FRMPD4: variants seen among roughly 807,000 people sequenced by gnomAD.
The protein encoded by FRMPD4 is FERM and PDZ domain containing 4, also known as FERM and PDZ domain-containing protein 4.
A neutral mutation model predicts 94.1 loss-of-function variants in FRMPD4; 22 were observed. The observed-to-expected ratio is 0.23, with a 90% confidence interval of 0.17 to 0.33. The LOEUF (loss-of-function observed/expected upper bound fraction) is 0.33. Among genes scored for constraint, FRMPD4 ranks in the 10% least tolerant of loss-of-function variants. The pLI is 1.00. For missense variants in FRMPD4, 1,111 were observed against 1,339.9 expected, an observed-to-expected ratio of 0.83 and a Z score of 2.67; for synonymous variants, 631 against 548.6, an observed-to-expected ratio of 1.15 and a Z score of -2.10.
intron 3 of FRMPD4, among the ~76,000 whole-genome samples, chrX:11,886,122 A>G (rs2053843894): frequency 9.0e-6 from 1 of 111,683 alleles, no homozygotes; most frequent in African/African-American, 3.3e-5. Flanking sequence ...CATGCCCCCA[A>G]GGAATCATAT....
At chrX:11,825,190 TTGTGTGTGTGTGTGTGTGTG>T (rs747320680) in intron 1 of FRMPD4, among the ~76,000 whole-genome samples, 15 of 80,161 alleles carry the variant, frequency 1.9e-4, no homozygotes, top group Admixed American at 1.2e-3. Context: ...TGTGTCTTCT[TTGTGTGTGTGTGTGTGTGTG>T]TGTGTGTGTG....
chrX:12,167,230 C>T (rs886565564), intron 1 of FRMPD4, among the ~76,000 whole-genome samples: 1 of 111,814 alleles, frequency 8.9e-6, no homozygotes, highest in Non-Finnish European at 1.9e-5. Flanking sequence ...TTAAATGTGT[C>T]CCAGAGATTC....
At chrX:12,171,520 G>A (rs2056223433) in intron 1 of FRMPD4, among the ~76,000 whole-genome samples, 1 of 111,217 alleles carries the variant, frequency 9.0e-6, no homozygotes, top group South Asian at 3.8e-4. Context: ...AGTAGAGCTT[G>A]GGGTATGTGC....
intron 1 of FRMPD4, among the ~76,000 whole-genome samples, chrX:12,367,938 A>C (rs2056108487): frequency 8.9e-6 from 1 of 112,351 alleles, no homozygotes; most frequent in Non-Finnish European, 1.9e-5. Context: ...CATCACTGAC[A>C]CCCACTAATC....
In FRMPD4 at chrX:11,847,908, G is replaced by A. The variant is rs751403484; in HGVS notation, c.-160-17178G>A. The stretch of plus-strand genomic sequence containing the variant: ...GGGGTCGGGGGAGGGGGGAGGGTTA[G>A]CGTTAGGAGATATACCTAATGCTAA... On this transcript the variant is annotated intron_variant, in intron 1 of 18. Transcript: ENST00000640291. Among the ~76,000 whole-genome samples the A allele has an allele frequency of 1.5e-3, 139 of 95,556 alleles. 1 individual carries two copies. The highest frequency in any genetic ancestry group is 5.2e-3 in the African/African-American group (131 of 25,148). The allele number at this position is 95,556 out of a possible 115,157, so 83.0% of individuals were successfully genotyped here. A position where few individuals can be genotyped will look rare whatever the true frequency, so the allele number is the denominator to read the frequency against.
intron 1 of FRMPD4, among the ~76,000 whole-genome samples, chrX:12,461,794 C>T (rs1016256834): frequency 9.0e-6 from 1 of 111,708 alleles, no homozygotes; most frequent in Non-Finnish European, 1.9e-5. Flanking sequence ...CTAGCCCATA[C>T]CATATACAAG....
chrX:12,128,958 T>A (rs767298132), intron 3 of FRMPD4, among the ~76,000 whole-genome samples: 1 of 112,088 alleles, frequency 8.9e-6, no homozygotes, highest in South Asian at 3.8e-4. Flanking sequence ...TACCTCAGCC[T>A]GGACTTCATT....
At chrX:12,108,220 A>G (rs1434569198) in intron 3 of FRMPD4, among the ~76,000 whole-genome samples, 2 of 112,030 alleles carry the variant, frequency 1.8e-5, no homozygotes, top group South Asian at 3.8e-4. Flanking sequence ...CTAACAGCTG[A>G]TCTCTCGGCA....
intron 3 of FRMPD4, among the ~76,000 whole-genome samples, chrX:12,081,447 C>G (rs1037910335): frequency 9.0e-6 from 1 of 110,963 alleles, no homozygotes; most frequent in Admixed American, 9.6e-5. Flanking sequence ...CGATGTTTCT[C>G]TTTTTTATGA....
intron 3 of FRMPD4, among the ~76,000 whole-genome samples, chrX:11,904,653 C>T (rs138919729): frequency 1.9e-3 from 218 of 111,960 alleles, no homozygotes; most frequent in African/African-American, 6.8e-3. Flanking sequence ...ACCTCCAAGA[C>T]TCATGTGAGA....
intron 2 of FRMPD4, among the ~76,000 whole-genome samples, chrX:11,873,388 C>T (rs1251455902): frequency 9.0e-6 from 1 of 111,058 alleles, no homozygotes; most frequent in Non-Finnish European, 1.9e-5. Context: ...GATACAAGGT[C>T]ACTTGTATCT....
chrX:12,258,172 G>A (rs16986819), intron 1 of FRMPD4, among the ~76,000 whole-genome samples: 3,328 of 110,740 alleles, frequency 0.03, 140 homozygotes, highest in African/African-American at 0.1. Context: ...TCTATCTTCA[G>A]TCCACCTGCT....
intron 1 of FRMPD4, among the ~76,000 whole-genome samples, chrX:12,447,972 C>G (rs752435659): frequency 2.1e-4 from 23 of 111,974 alleles, no homozygotes; most frequent in African/African-American, 7.5e-4. Context: ...AGGAAACATG[C>G]TTTGGATTTA....
In FRMPD4 at chrX:12,397,526, A is replaced by G. The variant is rs190509449; in HGVS notation, c.42-101154A>G. Among the ~76,000 whole-genome samples the G allele has an allele frequency of 8.9e-5, 10 of 112,098 alleles. No homozygotes were observed. The East Asian group carries it at 2.5e-3, about 28-fold the overall frequency. On this transcript the variant is annotated intron_variant, in intron 1 of 16. Coordinates refer to ENST00000675598, the MANE Select transcript of FRMPD4 (RefSeq NM_001368397.1). Reference sequence around the variant, plus strand: ...AAATGGATAGCGAGGTCAGGTTTTTATTGTAGCGAGGATGTGAAAAACACT... The same window carrying G: ...AAATGGATAGCGAGGTCAGGTTTTTGTTGTAGCGAGGATGTGAAAAACACT...
At chrX:12,261,511 G>A (rs1332229950) in intron 1 of FRMPD4, among the ~76,000 whole-genome samples, 3 of 111,535 alleles carry the variant, frequency 2.7e-5, no homozygotes, top group African/African-American at 9.8e-5. Flanking sequence ...GAGACTACTG[G>A]AAGCTAAAGG....
At chrX:12,295,072 A>G (rs1209803912) in intron 1 of FRMPD4, among the ~76,000 whole-genome samples, 1 of 112,223 alleles carries the variant, frequency 8.9e-6, no homozygotes, top group Non-Finnish European at 1.9e-5. Flanking sequence ...ACTTTCTTAT[A>G]TCAATACCTC....
intron 3 of FRMPD4, among the ~76,000 whole-genome samples, chrX:11,941,842 C>T (rs1366492891): frequency 8.9e-6 from 1 of 111,892 alleles, no homozygotes; most frequent in East Asian, 2.8e-4. Flanking sequence ...AACATGAGGT[C>T]TCCTTCCTCC....
chrX:12,155,581 CAAAAAAAAAAAAAAAAAAAAA>C (rs60727413), intron 1 of FRMPD4, among the ~76,000 whole-genome samples: 1 of 21,912 alleles, frequency 4.6e-5, no homozygotes, highest in Non-Finnish European at 9.5e-5. Flanking sequence ...CATATCCTCA[CAAAAAAAAAAAAAAAAAAAAA>C]AAAAAAAAGG....
chrX:11,942,228 C>CTTTTTT (rs560019319), intron 3 of FRMPD4, among the ~76,000 whole-genome samples: 1 of 79,163 alleles, frequency 1.3e-5, no homozygotes, highest in Non-Finnish European at 2.5e-5. Context: ...TTTTTCTTTC[C>CTTTTTT]TTTTTTTTTT....
Sources: allele counts gnomAD v4.1 joint callset (sites outside exome capture counted in the v4.1 genomes callset), GRCh38; gene constraint gnomAD v4.1.1; transcripts MANE v1.5; gene names NCBI Gene and HGNC (gene_info 2026-07-23, HGNC 2026-07-21).